The following MYH11 variants were observed in gnomAD, a reference collection of about 807,000 sequenced individuals.
The protein encoded by MYH11 is myosin heavy chain 11, also known as myosin-11.
Under a neutral mutation model 246.6 loss-of-function variants are expected in MYH11, and 80 were observed. The observed-to-expected ratio is 0.32, with a 90% confidence interval of 0.27 to 0.39. MYH11 has a LOEUF of 0.39. Among genes scored for constraint, MYH11 ranks in the 10% least tolerant of loss-of-function variants. The probability of loss-of-function intolerance (pLI) is 1.00; values close to 1 mark genes in which losing one functional copy is unlikely to be tolerated. For synonymous variants in MYH11, 1,071 were observed against 1,015.5 expected (o/e 1.05, Z -1.04); for missense variants, 2,158 against 2,546.8 (o/e 0.85, Z 3.29).
At chr16:15,786,225 A>T (rs1596835720) in intron 5 of MYH11, 1 of 365,036 alleles carries the variant, frequency 2.7e-6, no homozygotes, top group Middle Eastern at 9.7e-4. Context: ...AACTGGAGGG[A>T]AGGGGGCTGT....
chr16:15,822,057 G>A (rs1596901440), intron 3 of MYH11, among the ~76,000 whole-genome samples: 1 of 152,246 alleles, frequency 6.6e-6, no homozygotes, highest in East Asian at 1.9e-4. Context: ...GCCTAGAAGG[G>A]CCAAGATTCT....
In MYH11 at chr16:15,760,672, A is replaced by G. The variant is rs2041848124; in HGVS notation, c.1130-14T>C. ...CTTTCTGAGCAGCTGGATGGAGAAA[A>G]GAAACATCGTGAGTGCATCACAAAA... On this transcript the variant is annotated splice_polypyrimidine_tract_variant and intron_variant, in intron 10 of 40. Coordinates refer to ENST00000300036, the MANE Select transcript of MYH11 (RefSeq NM_002474.3). 6.5e-7 allele frequency: 1 copy of G among 1,537,690 alleles called. No homozygotes were observed. Among genetic ancestry groups the G allele is most frequent in the Middle Eastern group, 1.7e-4 (1 of 5,936 alleles).
intron 3 of MYH11, 149 bp downstream of exon 3, chr16:15,823,106 G>A (rs1004519881): frequency 1.7e-6 from 2 of 1,165,582 alleles, no homozygotes; most frequent in African/African-American, 3.0e-5. Flanking sequence ...AAACACAGAT[G>A]TTCCTTTTGC....
At chr16:15,722,744 TTTTA>T (rs779615288) in intron 31 of MYH11, among the ~76,000 whole-genome samples, 5 of 152,088 alleles carry the variant, frequency 3.3e-5, no homozygotes, top group Non-Finnish European at 5.9e-5. Flanking sequence ...ACAATCCTCA[TTTTA>T]TTTATTTTTG....
At chr16:15,764,128 T>C (rs1011874459) in intron 9 of MYH11, among the ~76,000 whole-genome samples, 1 of 152,226 alleles carries the variant, frequency 6.6e-6, no homozygotes, top group Admixed American at 6.5e-5. Context: ...CACTGCTTGC[T>C]ATTATACATA....
At position 15,820,735 on chromosome 16, in the gene MYH11, G is replaced by A. The variant is rs866662149; in HGVS notation, c.502+2520C>T. 1.1e-4 allele frequency among the ~76,000 whole-genome samples: 16 copies of A among 152,176 alleles called. 1 individual carries two copies. The Middle Eastern group carries it at 0.017, about 162-fold the overall frequency. ...GATTTCATCCCTCAGCCCAGAAAAA[G>A]TTACAGAAAAAAACCCCACACCCAC... On this transcript the variant is annotated intron_variant, in intron 3 of 40. Coordinates refer to ENST00000300036, the MANE Select transcript of MYH11 (RefSeq NM_002474.3).
Position 15,741,508 on chromosome 16 carries a change from GC to G in MYH11, c.2813del (p.Gly938AlafsTer74). The part of the protein sequence containing the change: ...EARLEEEEDR[G>X]QQLQAERKKM... Reference sequence around the variant, plus strand: ...TCTTCCTTTCAGCCTGTAGCTGCTGGCCCCTGTCTTCCTCCTCCTCCAGGCG... The same window carrying G: ...TCTTCCTTTCAGCCTGTAGCTGCTGGCCCTGTCTTCCTCCTCCTCCAGGCG... On this transcript the variant is annotated frameshift_variant, in exon 22 of 41. Transcript: ENST00000300036. LOFTEE classifies it high-confidence loss of function. The G allele has an allele frequency of 6.2e-7, 1 of 1,609,292 alleles. No individual in the cohort carries two copies.
chr16:15,814,556 A>C (rs1242666964), intron 3 of MYH11, among the ~76,000 whole-genome samples: 1 of 92,776 alleles, frequency 1.1e-5, no homozygotes, highest in East Asian at 2.4e-4. Context: ...TCCATCTCAA[A>C]AAAAAAAAAA....
intron 40 of MYH11, among the ~76,000 whole-genome samples, chr16:15,706,716 A>G (rs1287552656): frequency 2.0e-5 from 3 of 151,236 alleles, no homozygotes; most frequent in Admixed American, 6.6e-5. Flanking sequence ...AAAAAAAAAC[A>G]AAAAAAAATC....
intron 2 of MYH11, among the ~76,000 whole-genome samples, chr16:15,823,647 T>C (rs1433275650): frequency 6.6e-6 from 1 of 152,028 alleles, no homozygotes; most frequent in Non-Finnish European, 1.5e-5. Context: ...TGTTTTGAGA[T>C]GGGGTCTCAC....
intron 2 of MYH11, among the ~76,000 whole-genome samples, chr16:15,835,459 G>A (rs1443533369): frequency 1.3e-5 from 2 of 152,172 alleles, no homozygotes; most frequent in African/African-American, 4.8e-5. Flanking sequence ...CATAGTGAAC[G>A]TGTCTTAGTT....
At chr16:15,782,231 A>C (rs2042372218) in intron 6 of MYH11, among the ~76,000 whole-genome samples, 154 bp downstream of exon 6, 2 of 152,116 alleles carry the variant, frequency 1.3e-5, no homozygotes, top group Admixed American at 1.3e-4. Context: ...TGAATGAGAG[A>C]GTGAGAGGCA....
chr16:15,715,364 C>T, intron 38 of MYH11, 92 bp from the exon 39 acceptor site: 2 of 1,171,182 alleles, frequency 1.7e-6, no homozygotes, highest in Middle Eastern at 2.4e-4. Context: ...TGAGTGCTTT[C>T]CTGAGCCCCG....
chr16:15,839,522 T>A (rs2043995853), intron 1 of MYH11, among the ~76,000 whole-genome samples: 2 of 151,140 alleles, frequency 1.3e-5, no homozygotes, highest in Admixed American at 1.3e-4. Context: ...GTGAGACCCC[T>A]GTCTCTACTA....
chr16:15,803,465 C>T (rs1567186569), intron 3 of MYH11, among the ~76,000 whole-genome samples: 2 of 151,734 alleles, frequency 1.3e-5, no homozygotes, highest in East Asian at 2.0e-4. Context: ...TTTGTAGAGA[C>T]GGGGTTTCAC....
chr16:15,719,376 A>C, intron 35 of MYH11, 68 bp from the exon 36 acceptor site: 1 of 1,548,478 alleles, frequency 6.5e-7, no homozygotes, highest in Non-Finnish European at 8.8e-7. Flanking sequence ...GTCCACCCTG[A>C]CAACTCAGCC....
Position 15,737,634 on chromosome 16 carries a change from G to C in MYH11, c.3122-14C>G, listed in dbSNP as rs1457196849. On this transcript the variant is annotated splice_polypyrimidine_tract_variant and intron_variant, in intron 24 of 40. Coordinates refer to ENST00000300036, the MANE Select transcript of MYH11 (RefSeq NM_002474.3). ...TCTTTAGCCGCACTGCAAAAACCAA[G>C]GTGCTCTTCAGGAAGGGGAGGCCCC... 1 of 1,610,190 alleles carries C rather than the reference G, an allele frequency of 6.2e-7. No homozygotes were observed. Among genetic ancestry groups the C allele is most frequent in the Non-Finnish European group, 8.5e-7 (1 of 1,179,948 alleles).
At chr16:15,724,062 G>C in intron 31 of MYH11, 99 bp downstream of exon 31, 1 of 1,584,916 alleles carries the variant, frequency 6.3e-7, no homozygotes, top group Non-Finnish European at 8.6e-7. Flanking sequence ...AGTGGAGAGG[G>C]GATGCAGGCA....
intron 40 of MYH11, among the ~76,000 whole-genome samples, chr16:15,709,224 A>G (rs2039642448): frequency 6.6e-6 from 1 of 152,164 alleles, no homozygotes; most frequent in African/African-American, 2.4e-5. Context: ...TTGGGATTAC[A>G]GGCATGAACC....
Sources: gnomAD v4.1 joint callset for allele counts (sites outside exome capture counted in the v4.1 genomes callset) on GRCh38, gnomAD v4.1.1 for gene constraint, MANE v1.5 for transcripts, NCBI Gene and HGNC (gene_info 2026-07-23, HGNC 2026-07-21) for gene names.